AP2B1: variants seen among roughly 807,000 people sequenced by gnomAD.
The protein encoded by AP2B1 is adaptor related protein complex 2 subunit beta 1.
In AP2B1, 23 loss-of-function variants were observed where a neutral mutation model predicts 102.0. The observed-to-expected ratio is 0.23, with a 90% CI of 0.16 to 0.32. The LOEUF is 0.32. AP2B1 is among the 10% of genes least tolerant of loss of function. The pLI is 1.00. For synonymous variants in AP2B1, 381 were observed against 421.2 expected, an observed-to-expected ratio of 0.90 and a Z score of 1.17; for missense variants, 541 against 1,157.4, an observed-to-expected ratio of 0.47 and a Z score of 7.73.
intron 5 of AP2B1, among the ~76,000 whole-genome samples, chr17:35,618,297 T>C (rs899832376): frequency 3.9e-5 from 6 of 152,212 alleles, no homozygotes. Flanking sequence ...GATAGCAATA[T>C]TCTAACACTG....
chr17:35,686,261 G>A (rs970077824), intron 18 of AP2B1, among the ~76,000 whole-genome samples: 2 of 152,180 alleles, frequency 1.3e-5, no homozygotes, highest in African/African-American at 4.8e-5. Flanking sequence ...TTTATATCAC[G>A]TAATTATATT....
At chr17:35,710,418 G>A (rs999985530) in intron 20 of AP2B1, 98 bp downstream of exon 20, 3 of 788,050 alleles carry the variant, frequency 3.8e-6, no homozygotes, top group South Asian at 1.7e-5. Context: ...ATCCTCCCCC[G>A]TATCTACTAT....
chr17:35,715,208 A>C (rs1300252371), intron 20 of AP2B1, among the ~76,000 whole-genome samples: 1 of 152,240 alleles, frequency 6.6e-6, no homozygotes, highest in Non-Finnish European at 1.5e-5. Context: ...GCTGGCCAGA[A>C]TGCTTCCAAA....
At chr17:35,607,758 G>C (rs566868660) in intron 4 of AP2B1, 1 of 160,518 alleles carries the variant, frequency 6.2e-6, no homozygotes, top group Middle Eastern at 3.0e-3. Context: ...AGTAGGGCAC[G>C]GTCTTTACAG....
chr17:35,605,515 G>A (rs1290103580), intron 3 of AP2B1, among the ~76,000 whole-genome samples, 190 bp from the exon 4 acceptor site: 1 of 152,226 alleles, frequency 6.6e-6, no homozygotes, highest in Non-Finnish European at 1.5e-5. Flanking sequence ...CTCCCAGAGT[G>A]CTGGGATTAT....
At chr17:35,702,696 G>A (rs970737386) in intron 18 of AP2B1, among the ~76,000 whole-genome samples, 2 of 152,164 alleles carry the variant, frequency 1.3e-5, no homozygotes, top group Non-Finnish European at 2.9e-5. Flanking sequence ...GAAGACTAGT[G>A]GAGAGGCAGA....
At chr17:35,711,718 G>A (rs1442373327) in intron 20 of AP2B1, among the ~76,000 whole-genome samples, 3 of 152,132 alleles carry the variant, frequency 2.0e-5, no homozygotes, top group Non-Finnish European at 4.4e-5. Flanking sequence ...TGATCCGCCC[G>A]CCTCGGCCTC....
intron 3 of AP2B1, among the ~76,000 whole-genome samples, chr17:35,601,227 A>G (rs1259518505): frequency 6.6e-6 from 1 of 152,186 alleles, no homozygotes; most frequent in Non-Finnish European, 1.5e-5. Context: ...AGTTAAGTAT[A>G]ATGTTTTGTA....
At chr17:35,720,726 C>T (rs2085363923) in intron 21 of AP2B1, among the ~76,000 whole-genome samples, 1 of 150,102 alleles carries the variant, frequency 6.7e-6, no homozygotes, top group East Asian at 2.0e-4. Context: ...CTGGCCCACC[C>T]GCCCCCTGCC....
At chr17:35,620,261 G>A (rs1426113989) in intron 5 of AP2B1, among the ~76,000 whole-genome samples, 3 of 151,796 alleles carry the variant, frequency 2.0e-5, no homozygotes, top group Non-Finnish European at 4.4e-5. Context: ...TGGGAGGACT[G>A]CATGAGGCCA....
chr17:35,626,916 G>C, intron 7 of AP2B1, 74 bp downstream of exon 7: 1 of 1,351,246 alleles, frequency 7.4e-7, no homozygotes, highest in Middle Eastern at 1.9e-4. Flanking sequence ...ATGTTAATTA[G>C]GCTAGTGTTA....
intron 19 of AP2B1, among the ~76,000 whole-genome samples, chr17:35,709,531 C>T (rs2076406626): frequency 6.6e-6 from 1 of 152,148 alleles, no homozygotes; most frequent in Admixed American, 6.6e-5. Flanking sequence ...TCTGAATAAT[C>T]CAGTCACCCC....
chr17:35,692,831 C>T (rs1432637390), intron 18 of AP2B1, among the ~76,000 whole-genome samples: 1 of 152,106 alleles, frequency 6.6e-6, no homozygotes, highest in African/African-American at 2.4e-5. Context: ...TTAATTTTGT[C>T]TGTTTCAAAC....
At chr17:35,612,427 AG>A (rs1208493794) in intron 5 of AP2B1, among the ~76,000 whole-genome samples, 9 of 152,242 alleles carry the variant, frequency 5.9e-5, no homozygotes, top group African/African-American at 2.2e-4. Context: ...CTTAAGAGGT[AG>A]CCAACACACA....
intron 18 of AP2B1, among the ~76,000 whole-genome samples, chr17:35,703,510 T>C (rs1200637723): frequency 6.6e-6 from 1 of 152,104 alleles, no homozygotes; most frequent in Admixed American, 6.5e-5. Flanking sequence ...TAAAAAAGAA[T>C]GAGATCATGT....
At chr17:35,647,218 G>A (rs975885347) in intron 12 of AP2B1, among the ~76,000 whole-genome samples, 1 of 152,128 alleles carries the variant, frequency 6.6e-6, no homozygotes, top group Non-Finnish European at 1.5e-5. Flanking sequence ...TGGGAGAGAG[G>A]AGTTGCTTCC....
At chr17:35,638,335 C>T (rs1489851741) in intron 10 of AP2B1, among the ~76,000 whole-genome samples, 1 of 152,146 alleles carries the variant, frequency 6.6e-6, no homozygotes, top group African/African-American at 2.4e-5. Flanking sequence ...ATTTATTATA[C>T]AGGGTCATTC....
At chr17:35,661,452 A>C (rs2075356760) in intron 14 of AP2B1, among the ~76,000 whole-genome samples, 1 of 152,202 alleles carries the variant, frequency 6.6e-6, no homozygotes, top group African/African-American at 2.4e-5. Flanking sequence ...GCCACAGAAG[A>C]ATCATATTCT....
At chr17:35,641,149 GTCTTGGC>G in intron 11 of AP2B1, among the ~76,000 whole-genome samples, 1 of 152,324 alleles carries the variant, frequency 6.6e-6, no homozygotes, top group East Asian at 1.9e-4. Context: ...TAATTCTACT[GTCTTGGC>G]TCTTGCCCCA....
Sources: allele counts gnomAD v4.1 joint callset (sites outside exome capture counted in the v4.1 genomes callset), GRCh38; gene constraint gnomAD v4.1.1; transcripts MANE v1.5; gene names NCBI Gene and HGNC (gene_info 2026-07-23, HGNC 2026-07-21).